SLC9A6: variants seen among roughly 807,000 people sequenced by gnomAD.
SLC9A6 encodes sodium/hydrogen exchanger 6.
A neutral mutation model predicts 45.3 loss-of-function variants in SLC9A6; 6 were observed. The ratio of observed to expected loss-of-function variants is 0.13; its 90% CI spans 0.07 to 0.26. SLC9A6 has a LOEUF of 0.26. Ranked by LOEUF, SLC9A6 falls within the 10% of genes least tolerant of loss-of-function variation. SLC9A6 has a pLI of 1.00. For synonymous variants in SLC9A6, 191 were observed against 187.7 expected, an observed-to-expected ratio of 1.02 and a Z score of -0.14; for missense variants, 278 against 503.7, an observed-to-expected ratio of 0.55 and a Z score of 4.29.
chrX:135,983,282 G>A (rs1055114125), upstream of SLC9A6, among the ~76,000 whole-genome samples: 5 of 111,339 alleles, frequency 4.5e-5, no homozygotes, highest in African/African-American at 1.3e-4. Flanking sequence ...TTGCAATAGC[G>A]TCAGAGCGTG....
Position 135,987,637 on chromosome X carries a change from AT to A in SLC9A6, c.169+1818del, listed in dbSNP as rs200571571. On this transcript the variant is annotated intron_variant, in intron 2 of 17. Transcript: ENST00000630721. The stretch of plus-strand genomic sequence containing the variant: ...ATACGTAGATCTCTGTCGCTGTTGC[AT>A]TTTTTTTCTTTGATTTTTTTTTCTT... Among the ~76,000 whole-genome samples the A allele has an allele frequency of 2.2e-3, 237 of 108,309 alleles. 3 individuals carry two copies. The highest frequency in any genetic ancestry group is 7.6e-3 in the African/African-American group (223 of 29,405). 94.1% of individuals were successfully genotyped at this position (108,309 alleles called of 115,157 possible).
intron 10 of SLC9A6, among the ~76,000 whole-genome samples, chrX:136,014,223 G>A (rs1408903767): frequency 1.8e-5 from 2 of 112,280 alleles, no homozygotes; most frequent in Admixed American, 1.9e-4. Context: ...CGCCTGAAAA[G>A]GAGTGGTGCT....
intron 13 of SLC9A6, among the ~76,000 whole-genome samples, chrX:136,025,459 T>C (rs1429409850): frequency 3.6e-5 from 4 of 112,430 alleles, no homozygotes; most frequent in Non-Finnish European, 5.6e-5. Context: ...TATTACACCT[T>C]TTTTAAGACT....
At chrX:136,014,964 T>C (rs1267759949) in intron 10 of SLC9A6, among the ~76,000 whole-genome samples, 2 of 112,472 alleles carry the variant, frequency 1.8e-5, no homozygotes, top group Non-Finnish European at 3.8e-5. Flanking sequence ...GAAAGTATCC[T>C]AGAAGAAACA....
intron 7 of SLC9A6, among the ~76,000 whole-genome samples, chrX:136,007,287 A>AT (rs1339941064): frequency 2.7e-5 from 3 of 109,187 alleles, no homozygotes; most frequent in African/African-American, 6.7e-5. Flanking sequence ...GCTGTCATCA[A>AT]TGGGGGGGGG....
At chrX:135,989,158 C>G (rs1384336095) in intron 2 of SLC9A6, among the ~76,000 whole-genome samples, 1 of 111,239 alleles carries the variant, frequency 9.0e-6, no homozygotes, top group African/African-American at 3.3e-5. Flanking sequence ...TAAGCTTTTC[C>G]TTTATCTGAG....
chrX:136,034,107 G>A (rs2071374015), intron 16 of SLC9A6, among the ~76,000 whole-genome samples: 1 of 109,534 alleles, frequency 9.1e-6, no homozygotes, highest in Admixed American at 9.7e-5. Flanking sequence ...CTTTAAATCA[G>A]GGATCCCCAA....
chrX:136,005,804 TTGAG>T (rs1335059159), intron 7 of SLC9A6, among the ~76,000 whole-genome samples: 2 of 111,912 alleles, frequency 1.8e-5, no homozygotes, highest in Non-Finnish European at 3.8e-5. Flanking sequence ...AGGAAACAAT[TTGAG>T]TGAGTCTTTT....
At chrX:135,978,869 C>G (rs1435131492) in intron 1 of SLC9A6, among the ~76,000 whole-genome samples, 2 of 110,267 alleles carry the variant, frequency 1.8e-5, no homozygotes, top group South Asian at 7.8e-4. Flanking sequence ...AAAGGACCTT[C>G]AGGCCTCTCA....
intron 2 of SLC9A6, among the ~76,000 whole-genome samples, chrX:135,987,773 G>A (rs782052412): frequency 1.1e-4 from 12 of 110,752 alleles, no homozygotes; most frequent in Non-Finnish European, 1.5e-4. Flanking sequence ...CTAGATTCCC[G>A]TCACACTCTG....
upstream of SLC9A6, chrX:135,974,008 G>A (rs1321199948): frequency 1.7e-5 from 13 of 770,085 alleles, no homozygotes; most frequent in Non-Finnish European, 2.3e-5. Context: ...CGGCAAATGG[G>A]GGCAGGGCCA....
At position 136,006,340 on chromosome X, in the gene SLC9A6, A is replaced by G. The variant is rs782783827; in HGVS notation, c.744-4102A>G. Among the ~76,000 whole-genome samples, 5 of 108,451 alleles carry G rather than the reference A, an allele frequency of 4.6e-5. No individual in the cohort carries two copies. The South Asian group carries it at 2.0e-3, about 43-fold the overall frequency. The allele number at this position is 108,451 out of a possible 115,157, so 94.2% of individuals were successfully genotyped here. On this transcript the variant is annotated intron_variant, in intron 7 of 17. Coordinates refer to ENST00000630721, the MANE Select transcript of SLC9A6 (RefSeq NM_001379110.1). Reference sequence around the variant, plus strand: ...ACTTTTATTTTAAGTTCAAGGGTACATGTGCAGGATGTGCAGGTTTGTTAC... The same window carrying G: ...ACTTTTATTTTAAGTTCAAGGGTACGTGTGCAGGATGTGCAGGTTTGTTAC...
intron 16 of SLC9A6, 48 bp from the exon 17 acceptor site, chrX:136,040,028 T>C (rs782294764): frequency 9.5e-7 from 1 of 1,049,369 alleles, no homozygotes; most frequent in African/African-American, 1.8e-5. Flanking sequence ...CGAGTTGCTC[T>C]TTTAAATTTG....
chrX:136,010,351 C>A, intron 7 of SLC9A6, 91 bp from the exon 8 acceptor site: 1 of 1,021,020 alleles, frequency 9.8e-7, no homozygotes, highest in Non-Finnish European at 1.4e-6. Context: ...TTTCTTCTCC[C>A]TCTAATTTCA....
chrX:136,004,449 T>C (rs1556617717), intron 7 of SLC9A6, among the ~76,000 whole-genome samples: 1 of 111,327 alleles, frequency 9.0e-6, no homozygotes, highest in Admixed American at 9.6e-5. Context: ...CCTTACTTCA[T>C]ACCAGAACTT....
At chrX:135,973,976 G>C (rs1016340474), upstream of SLC9A6, 18 of 1,030,197 alleles carry the variant, frequency 1.7e-5, no homozygotes, top group Admixed American at 5.9e-5. Context: ...GGGAGCTACG[G>C]GGAAGCGAAG....
chrX:136,016,484 A>G (rs1556619275), intron 10 of SLC9A6, among the ~76,000 whole-genome samples, 161 bp from the exon 11 acceptor site: 1 of 111,675 alleles, frequency 9.0e-6, no homozygotes. Context: ...CTGCAGGACT[A>G]GAAATGTCGT....
intron 8 of SLC9A6, among the ~76,000 whole-genome samples, chrX:136,012,409 G>T (rs1188071005): frequency 8.9e-6 from 1 of 112,704 alleles, no homozygotes; most frequent in East Asian, 2.8e-4. Flanking sequence ...GAGATTGGTC[G>T]TAACTTGGCA....
At position 136,006,467 on chromosome X, in the gene SLC9A6, T is replaced by G. The variant is rs868933109; in HGVS notation, c.744-3975T>G. ...CTATTCTTCCTGAAGCACTGTTTTT[T>G]TTTTTTTTTTTTTAACCTATTGGAG... is the stretch of plus-strand genomic sequence containing the variant. On this transcript the variant is annotated intron_variant, in intron 7 of 17. Transcript: ENST00000630721. 5.4e-3 allele frequency among the ~76,000 whole-genome samples: 594 copies of G among 109,350 alleles called. 8 individuals are homozygous for G. Among genetic ancestry groups the G allele is most frequent in the Middle Eastern group, 0.023 (5 of 214 alleles). 95.0% of individuals were successfully genotyped at this position (109,350 alleles called of 115,157 possible).
Sources: gnomAD v4.1 joint callset for allele counts (sites outside exome capture counted in the v4.1 genomes callset) on GRCh38, gnomAD v4.1.1 for gene constraint, MANE v1.5 for transcripts, NCBI Gene and HGNC (gene_info 2026-07-23, HGNC 2026-07-21) for gene names.